RSPRY1: variants seen among roughly 807,000 people sequenced by gnomAD.
RSPRY1 encodes the protein ring finger and SPRY domain containing 1.
Under a neutral mutation model 73.1 loss-of-function variants are expected in RSPRY1, and 23 were observed. That is an observed-to-expected ratio of 0.31 (90% CI 0.23 to 0.45). RSPRY1 has a LOEUF of 0.45. Among genes scored for constraint, RSPRY1 ranks in the 20% least tolerant of loss-of-function variants. The pLI, the probability that RSPRY1 is intolerant of heterozygous loss-of-function variation, is 1.00. For missense variants in RSPRY1, 448 were observed against 698.7 expected, an observed-to-expected ratio of 0.64 and a Z score of 4.05; for synonymous variants, 226 against 251.4, an observed-to-expected ratio of 0.90 and a Z score of 0.95.
chr16:57,216,475 T>C, intron 7 of RSPRY1: 3 of 369,694 alleles, frequency 8.1e-6, no homozygotes, highest in East Asian at 1.1e-4. Flanking sequence ...CCCAGCACTT[T>C]GGGAAGCTAA....
At chr16:57,221,772 T>G (rs1426413223) in intron 10 of RSPRY1, among the ~76,000 whole-genome samples, 6 of 152,250 alleles carry the variant, frequency 3.9e-5, no homozygotes. Flanking sequence ...TTGAAGCTCT[T>G]AAGAGCTTTG....
chr16:57,189,571 TTTTTTC>T (rs1291771930), intron 1 of RSPRY1, among the ~76,000 whole-genome samples: 1 of 149,300 alleles, frequency 6.7e-6, no homozygotes, highest in Non-Finnish European at 1.5e-5. Context: ...TTTTTTTCTG[TTTTTTC>T]TTTTTCTTTT....
intron 6 of RSPRY1, among the ~76,000 whole-genome samples, chr16:57,214,733 C>G (rs1488691665): frequency 6.6e-6 from 1 of 152,224 alleles, no homozygotes; most frequent in Non-Finnish European, 1.5e-5. Context: ...AGTACTTCAT[C>G]AAGACTAAAT....
At chr16:57,202,097 G>C (rs371684230) in intron 1 of RSPRY1, among the ~76,000 whole-genome samples, 1 of 152,246 alleles carries the variant, frequency 6.6e-6, no homozygotes, top group East Asian at 1.9e-4. Flanking sequence ...AAGATGAGAG[G>C]ATTATTTGAG....
At chr16:57,213,803 T>A in intron 5 of RSPRY1, 85 bp from the exon 6 acceptor site, 2 of 1,005,490 alleles carry the variant, frequency 2.0e-6, no homozygotes, top group Non-Finnish European at 3.2e-6. Flanking sequence ...CATGAAAGAG[T>A]TCTACCAAAA....
intron 13 of RSPRY1, among the ~76,000 whole-genome samples, chr16:57,231,796 A>G (rs2075225908): frequency 6.6e-6 from 1 of 152,188 alleles, no homozygotes; most frequent in South Asian, 2.1e-4. Context: ...CAGACTTTTT[A>G]TGTGGTTTCA....
intron 4 of RSPRY1, 100 bp downstream of exon 4, chr16:57,209,287 A>G: frequency 1.3e-6 from 1 of 764,738 alleles, no homozygotes; most frequent in East Asian, 2.5e-5. Flanking sequence ...ATCTTTATAC[A>G]TTTGGGGTCT....
intron 10 of RSPRY1, among the ~76,000 whole-genome samples, chr16:57,225,002 A>G (rs1047222575): frequency 2.3e-4 from 35 of 152,292 alleles, no homozygotes; most frequent in African/African-American, 8.2e-4. Flanking sequence ...TTACTTACTG[A>G]CTTGTTCAGC....
chr16:57,214,257 C>A (rs1363859937), intron 6 of RSPRY1, among the ~76,000 whole-genome samples: 1 of 152,182 alleles, frequency 6.6e-6, no homozygotes, highest in African/African-American at 2.4e-5. Context: ...TAGGGACCTC[C>A]ACAGTAGAAA....
intron 7 of RSPRY1, chr16:57,216,456 G>T (rs548103844): frequency 7.4e-6 from 3 of 403,348 alleles, no homozygotes; most frequent in African/African-American, 4.1e-5. Context: ...GGTGGCTCTT[G>T]CCCATAATCC....
intron 8 of RSPRY1, among the ~76,000 whole-genome samples, chr16:57,217,354 A>G (rs1203129277): frequency 1.3e-5 from 2 of 152,184 alleles, no homozygotes; most frequent in South Asian, 2.1e-4. Context: ...TCCTACAAAC[A>G]GGTCCTGATG....
At position 57,201,080 on chromosome 16, in the gene RSPRY1, A is replaced by C. The variant is rs561181563; in HGVS notation, c.-155-3424A>C. Among the ~76,000 whole-genome samples, 1,023 of 149,538 alleles carry C rather than the reference A, an allele frequency of 6.8e-3. 8 individuals are homozygous for C. The highest frequency in any genetic ancestry group is 0.024 in the African/African-American group (985 of 40,280). On this transcript the variant is annotated intron_variant, in intron 1 of 14. Transcript: ENST00000394420. ...GGGCTGACCCCCACCTCCCTCCCAG[A>C]CGGGGTGGCTGCCGGGCGGAGACGC...
rs1247897050 is a variant in RSPRY1, at chr16:57,209,193, T to A, written c.516+6T>A. ...AATGTCCATTGCCCACTAAAGTAAG[T>A]TAATACTTATCTTTTATGAAACTAT... is the stretch of plus-strand genomic sequence containing the variant. On this transcript the variant is annotated splice_donor_region_variant and intron_variant, in intron 4 of 14. Transcript: ENST00000394420. 6.6e-7 allele frequency: 1 copy of A among 1,520,222 alleles called. No individual in the cohort carries two copies. Among genetic ancestry groups the A allele is most frequent in the African/African-American group, 1.4e-5 (1 of 72,856 alleles). The allele number at this position is 1,520,222 out of a possible 1,614,324, so 94.2% of individuals were successfully genotyped here. A position where few individuals can be genotyped will look rare whatever the true frequency, so the allele number is the denominator to read the frequency against.
At chr16:57,200,559 A>G (rs1384113039) in intron 1 of RSPRY1, among the ~76,000 whole-genome samples, 5 of 139,218 alleles carry the variant, frequency 3.6e-5, no homozygotes, top group Admixed American at 2.1e-4. Context: ...TCCCTCCCGG[A>G]TGGGGCGGCT....
Position 57,220,751 on chromosome 16 carries a change from G to A in RSPRY1, c.921G>A (p.Gln307=). The change falls in exon 9 of 15, where the codon CAG becomes CAA. Residue 307 remains glutamine (Q), a synonymous_variant. Transcript: ENST00000394420. ...TTGCAGTTTTAAAAGAAGGTAGACAGCTGACCTATGAGAAAGTGAACTTGA... is the reference window on the plus strand; with the variant it reads ...TTGCAGTTTTAAAAGAAGGTAGACAACTGACCTATGAGAAAGTGAACTTGA... ...LDNLFLKEGR[Q]LTYEKVNLSS... is the part of the protein sequence containing the mutation. The A allele has an allele frequency of 6.2e-7, 1 of 1,612,804 alleles. No individual in the cohort carries two copies. The highest frequency in any genetic ancestry group is 1.1e-5 in the South Asian group (1 of 91,052).
At chr16:57,204,084 G>A (rs79541240) in intron 1 of RSPRY1, among the ~76,000 whole-genome samples, 4,002 of 152,040 alleles carry the variant, frequency 0.026, 70 homozygotes, top group South Asian at 0.055. Flanking sequence ...TTTAAAGAAA[G>A]GAGTTAATTC....
At chr16:57,212,871 C>T (rs764003975) in intron 4 of RSPRY1, 101 bp from the exon 5 acceptor site, 15 of 1,321,412 alleles carry the variant, frequency 1.1e-5, no homozygotes, top group African/African-American at 1.5e-5. Flanking sequence ...CCTCGGCCTC[C>T]CAAAGTGCTG....
At chr16:57,200,814 A>T (rs1203134396) in intron 1 of RSPRY1, among the ~76,000 whole-genome samples, 1 of 120,744 alleles carries the variant, frequency 8.3e-6, no homozygotes, top group Non-Finnish European at 1.7e-5. Context: ...TCCTTCCCGG[A>T]CGGGGCGGCT....
intron 4 of RSPRY1, among the ~76,000 whole-genome samples, chr16:57,210,624 A>C (rs1191187345): frequency 1.3e-5 from 2 of 150,690 alleles, no homozygotes; most frequent in Non-Finnish European, 3.0e-5. Flanking sequence ...GAGGCACGAG[A>C]ATTGTTTGAA....
Sources: allele counts gnomAD v4.1 joint callset (sites outside exome capture counted in the v4.1 genomes callset), GRCh38; gene constraint gnomAD v4.1.1; transcripts MANE v1.5; gene names NCBI Gene and HGNC (gene_info 2026-07-23, HGNC 2026-07-21).